Variants in TMEM202 observed in about 807,000 individuals in gnomAD.
TMEM202 encodes transmembrane protein 202.
In TMEM202, 25 loss-of-function variants were observed where a neutral mutation model predicts 26.1. The observed-to-expected ratio is 0.96, with a 90% CI of 0.70 to 1.34. The LOEUF (loss-of-function observed/expected upper bound fraction) is 1.34, where lower values mean the gene tolerates loss of function less well. TMEM202 is among the 40% of genes most tolerant of loss of function. The pLI is 0.00. For missense variants in TMEM202, 301 were observed against 327.7 expected, an observed-to-expected ratio of 0.92 and a Z score of 0.63; for synonymous variants, 122 against 119.0, an observed-to-expected ratio of 1.02 and a Z score of -0.16.
chr15:72,401,458 G>C (rs1275239770), intron 2 of TMEM202, among the ~76,000 whole-genome samples: 1 of 152,184 alleles, frequency 6.6e-6, no homozygotes, highest in African/African-American at 2.4e-5. Context: ...GTGGAGAGTT[G>C]CTTGAGCCTG....
In TMEM202 at chr15:72,407,075, T is replaced by C; in HGVS notation, c.488-11T>C. 6.2e-7 allele frequency: 1 copy of C among 1,611,418 alleles called. No individual in the cohort carries two copies. The highest frequency in any genetic ancestry group is 8.5e-7 in the Non-Finnish European group (1 of 1,179,500). The stretch of plus-strand genomic sequence containing the variant: ...GCTGATGGGTTGTGACATCTTTCCT[T>C]CTGGTCCTAGCTACCTGCTTGCTCC... On this transcript the variant is annotated splice_polypyrimidine_tract_variant and intron_variant, in intron 3 of 4. Coordinates refer to ENST00000341689, the MANE Select transcript of TMEM202 (RefSeq NM_001080462.3).
chr15:72,402,315 A>G (rs1286388012), intron 2 of TMEM202, among the ~76,000 whole-genome samples: 4 of 152,170 alleles, frequency 2.6e-5, no homozygotes, highest in Non-Finnish European at 5.9e-5. Context: ...ATGACTTCAA[A>G]CTTTTACCTA....
At chr15:72,398,515 G>GT (rs1567314347) in intron 1 of TMEM202, 108 bp downstream of exon 1, 32 of 1,378,492 alleles carry the variant, frequency 2.3e-5, no homozygotes, top group South Asian at 7.2e-5. Context: ...AAAATTGTGG[G>GT]GTTTTTTTTT....
In TMEM202 at chr15:72,407,139, A is replaced by G. The variant is rs771288410; in HGVS notation, c.541A>G (p.Thr181Ala). The G allele has an allele frequency of 6.1e-5, 99 of 1,612,590 alleles. No homozygotes were observed. Among genetic ancestry groups the G allele is most frequent in the Non-Finnish European group, 8.1e-5 (96 of 1,179,278 alleles). Reference sequence around the variant, plus strand: ...GTTTGTGGCACAGGTTCACTGGCATACTAGGGATGCCATGGAGTCAGATCT... The same window carrying G: ...GTTTGTGGCACAGGTTCACTGGCATGCTAGGGATGCCATGGAGTCAGATCT... ...NLFVAQVHWH[T>A]RDAMESDLLW... Residue 181 changes from threonine to alanine, a missense_variant, in exon 4 of 5, where the codon ACT (threonine) becomes GCT (alanine). Physicochemically the swap from Thr to Ala is moderately conservative, Grantham distance 58. Transcript: ENST00000341689.
intron 3 of TMEM202, 136 bp from the exon 4 acceptor site, chr15:72,406,950 T>C: frequency 2.3e-6 from 3 of 1,291,594 alleles, no homozygotes; most frequent in East Asian, 2.3e-5. Context: ...CTTTCTCTCA[T>C]CTTGGTCAGT....
At chr15:72,398,950 G>A (rs1163723599) in intron 2 of TMEM202, 42 bp downstream of exon 2, 1 of 1,578,330 alleles carries the variant, frequency 6.3e-7, no homozygotes, top group South Asian at 1.1e-5. Context: ...CCACACAATT[G>A]CAGAGCTTTC....
intron 2 of TMEM202, among the ~76,000 whole-genome samples, chr15:72,401,270 T>C (rs906710176): frequency 5.3e-5 from 8 of 152,154 alleles, no homozygotes; most frequent in Non-Finnish European, 1.2e-4. Context: ...GATGGAGTTG[T>C]TCTGGTTCAA....
chr15:72,402,835 G>C (rs2063554121), intron 2 of TMEM202, among the ~76,000 whole-genome samples: 3 of 151,986 alleles, frequency 2.0e-5, no homozygotes, highest in Non-Finnish European at 4.4e-5. Context: ...GGTTACGAGG[G>C]GACTTAAATA....
chr15:72,400,917 C>T (rs1054071865), intron 2 of TMEM202, among the ~76,000 whole-genome samples: 20 of 152,248 alleles, frequency 1.3e-4, no homozygotes, highest in South Asian at 4.1e-4. Flanking sequence ...GGGCAATTCC[C>T]GGAACTAAGG....
chr15:72,398,395 G>C lies in TMEM202; in HGVS notation c.69G>C (p.Arg23=). Residue 23 remains arginine (R), a synonymous_variant, in exon 1 of 5, where the codon CGG becomes CGC. Coordinates refer to ENST00000341689, the MANE Select transcript of TMEM202 (RefSeq NM_001080462.3). The part of the protein sequence containing the change: ...SPEVPKIKGN[R]KYQRPTVPAK... ...AGGTTCCCAAAATAAAGGGGAACCG[G>C]AAATACCAAAGGGTGAGGAGGTATC... 6.2e-7 allele frequency: 1 copy of C among 1,611,712 alleles called. No homozygotes were observed. The highest frequency in any genetic ancestry group is 8.5e-7 in the Non-Finnish European group (1 of 1,179,002).
At chr15:72,400,233 GAACTAT>G (rs1389048196) in intron 2 of TMEM202, among the ~76,000 whole-genome samples, 5 of 152,018 alleles carry the variant, frequency 3.3e-5, no homozygotes, top group Non-Finnish European at 5.9e-5. Flanking sequence ...CACAAAAGAA[GAACTAT>G]AACTATCTAA....
chr15:72,406,488 C>T (rs2063572025), intron 2 of TMEM202, 114 bp from the exon 3 acceptor site: 1 of 791,680 alleles, frequency 1.3e-6, no homozygotes, highest in Non-Finnish European at 2.0e-6. Flanking sequence ...ATGTAGCAAG[C>T]TCTGCTCCAT....
chr15:72,400,578 G>A lies in TMEM202; in HGVS notation c.337+1670G>A, dbSNP rs1032774217. On this transcript the variant is annotated intron_variant, in intron 2 of 4. Transcript: ENST00000341689. ...TCATATTTATGTAACTGGGTGCCCA[G>A]GCTAAAATTTCATCCTTAAGATTAT... 2.0e-5 allele frequency among the ~76,000 whole-genome samples: 3 copies of A among 152,154 alleles called. No individual in the cohort carries two copies. The East Asian group carries it at 5.8e-4, about 29-fold the overall frequency.
At chr15:72,404,922 A>G (rs994807144) in intron 2 of TMEM202, among the ~76,000 whole-genome samples, 4 of 152,196 alleles carry the variant, frequency 2.6e-5, no homozygotes, top group African/African-American at 9.7e-5. Context: ...CTGGCTGGCT[A>G]CATATACTGC....
intron 2 of TMEM202, among the ~76,000 whole-genome samples, chr15:72,403,005 T>C (rs1300725943): frequency 6.6e-5 from 10 of 152,136 alleles, no homozygotes; most frequent in Admixed American, 6.5e-4. Flanking sequence ...AGCGTGGAAG[T>C]TCAGATTTGG....
Position 72,407,837 on chromosome 15 carries a change from A to G in TMEM202, c.766A>G (p.Met256Val). The G allele has an allele frequency of 6.2e-7, 1 of 1,614,136 alleles. No homozygotes were observed. Among genetic ancestry groups the G allele is most frequent in the Non-Finnish European group, 8.5e-7 (1 of 1,180,024 alleles). The change falls in exon 5 of 5, where the codon ATG (methionine) becomes GTG (valine). Residue 256 changes from methionine (M) to valine (V), a missense_variant. Transcript: ENST00000341689. Reference protein sequence around the residue: ...PAKDEGPRSEMESLSVREKNL... With the variant: ...PAKDEGPRSEVESLSVREKNL... ...TAAAGATGAAGGGCCAAGGTCTGAG[A>G]TGGAATCTCTAAGTGTGAGAGAGAA...
intron 1 of TMEM202, 63 bp from the exon 2 acceptor site, chr15:72,398,590 C>G (rs574686759): frequency 6.3e-7 from 1 of 1,585,160 alleles, no homozygotes; most frequent in East Asian, 2.2e-5. Flanking sequence ...TAGAGAAGAG[C>G]GGGTGACCCT....
In TMEM202 at chr15:72,407,688, T is replaced by G; in HGVS notation, c.620-3T>G. On this transcript the variant is annotated splice_polypyrimidine_tract_variant and splice_region_variant and intron_variant, in intron 4 of 4. Coordinates refer to ENST00000341689, the MANE Select transcript of TMEM202 (RefSeq NM_001080462.3). ...CTCACCTCAAATTATTCCCTTCCCGTAGGGATCATCTCTCTTCTCAACTAC... is the reference window on the plus strand; with the variant it reads ...CTCACCTCAAATTATTCCCTTCCCGGAGGGATCATCTCTCTTCTCAACTAC... The G allele has an allele frequency of 6.2e-7, 1 of 1,613,562 alleles. No individual in the cohort carries two copies. The highest frequency in any genetic ancestry group is 1.7e-5 in the Admixed American group (1 of 59,992).
intron 4 of TMEM202, 68 bp from the exon 5 acceptor site, chr15:72,407,623 A>G (rs770412597): frequency 2.8e-6 from 4 of 1,443,724 alleles, no homozygotes; most frequent in Non-Finnish European, 3.9e-6. Context: ...TAAAGGATGC[A>G]TAAGAATTTT....
Sources: gnomAD v4.1 joint callset for allele counts (sites outside exome capture counted in the v4.1 genomes callset) on GRCh38, gnomAD v4.1.1 for gene constraint, MANE v1.5 for transcripts, NCBI Gene and HGNC (gene_info 2026-07-23, HGNC 2026-07-21) for gene names.